Variants in CLEC4D observed in about 807,000 individuals in gnomAD.
The protein encoded by CLEC4D is C-type (calcium dependent, carbohydrate-recognition domain) lectin, superfamily member 8.
A neutral mutation model predicts 21.1 loss-of-function variants in CLEC4D; 21 were observed. The ratio of observed to expected loss-of-function variants is 1.00; its 90% confidence interval spans 0.71 to 1.43. The LOEUF is 1.43. Among genes scored for constraint, CLEC4D ranks in the 40% most tolerant of loss-of-function variants. The pLI, the probability that CLEC4D is intolerant of heterozygous loss-of-function variation, is 0.00. For missense variants in CLEC4D, 289 were observed against 260.7 expected, an observed-to-expected ratio of 1.11 and a Z score of -0.75; for synonymous variants, 85 against 83.1, an observed-to-expected ratio of 1.02 and a Z score of -0.12.
downstream of CLEC4D, among the ~76,000 whole-genome samples, chr12:8,524,352 T>A (rs1322754257): frequency 1.3e-5 from 2 of 151,188 alleles, no homozygotes; most frequent in East Asian, 3.9e-4. Context: ...TGTTTGGTAG[T>A]CTATTAATTG....
chr12:8,525,245 GAAT>G (rs1565493596), downstream of CLEC4D, among the ~76,000 whole-genome samples: 1 of 152,114 alleles, frequency 6.6e-6, no homozygotes, highest in Non-Finnish European at 1.5e-5. Flanking sequence ...TTCAAGTTCT[GAAT>G]ATCCTTGTTA....
the CLEC4D span, among the ~76,000 whole-genome samples, chr12:8,530,459 CA>C: frequency 0.012 from 1,033 of 87,276 alleles, 3 homozygotes; most frequent in Admixed American, 0.015. Flanking sequence ...ATCAAGAAAG[CA>C]AAAAAAAAAA....
chr12:8,526,749 T>C (rs1200678480), downstream of CLEC4D, among the ~76,000 whole-genome samples: 1 of 152,160 alleles, frequency 6.6e-6, no homozygotes, highest in Non-Finnish European at 1.5e-5. Flanking sequence ...CTGTGATCAT[T>C]TGGAGGAGAA....
chr12:8,516,269 T>C (rs1940380638), intron 2 of CLEC4D, among the ~76,000 whole-genome samples: 1 of 152,154 alleles, frequency 6.6e-6, no homozygotes, highest in African/African-American at 2.4e-5. Context: ...CAAATTATAC[T>C]ACATTAAAAT....
At position 8,521,775 on chromosome 12, in the gene CLEC4D, T is replaced by C. The variant is rs946964098; in HGVS notation, c.*504T>C. ...ACTTTTTAATGTCAGTCATTACAAT[T>C]ACATTGCATGAGGAAAATTTTTCCA... On this transcript the variant is annotated 3_prime_UTR_variant, in exon 6 of 6. Coordinates refer to ENST00000299665, the MANE Select transcript of CLEC4D (RefSeq NM_080387.5). 2.0e-5 allele frequency: 3 copies of C among 153,076 alleles called. No individual in the cohort carries two copies. Among genetic ancestry groups the C allele is most frequent in the Non-Finnish European group, 4.4e-5 (3 of 68,668 alleles). The allele number at this position is 153,076 out of a possible 1,614,324, so 9.5% of individuals were successfully genotyped here. A position where few individuals can be genotyped will look rare whatever the true frequency, so the allele number is the denominator to read the frequency against.
intron 2 of CLEC4D, among the ~76,000 whole-genome samples, chr12:8,516,819 A>C (rs79239547): frequency 0.014 from 2,080 of 152,374 alleles, 49 homozygotes; most frequent in African/African-American, 0.046. Flanking sequence ...CATAGTTCAC[A>C]GTAGCCAAAC....
At chr12:8,514,012 A>G (rs190022609) in intron 1 of CLEC4D, among the ~76,000 whole-genome samples, 1 of 152,238 alleles carries the variant, frequency 6.6e-6, no homozygotes, top group African/African-American at 2.4e-5. Context: ...GATGAAAAGA[A>G]AGAGAGTAAT....
In CLEC4D at chr12:8,520,283, G is replaced by T. The variant is rs1940441821; in HGVS notation, c.442G>T (p.Glu148Ter). The change falls in exon 5 of 6, where the codon GAG becomes TAG. Residue 148 changes from glutamate to a stop codon, truncating the protein, a stop_gained. Transcript: ENST00000299665. LOFTEE classifies it high-confidence loss of function. ...TTCCTATTTCCTTGGACTTAGAGAT[G>T]AGAATGCCAAAGGTCAGTGGCGTTG... ...RLSYFLGLRD[E>*]NAKGQWRWVD... 2 of 1,613,882 alleles carry T rather than the reference G, an allele frequency of 1.2e-6. No individual in the cohort carries two copies. The highest frequency in any genetic ancestry group is 2.2e-5 in the South Asian group (2 of 91,058).
chr12:8,519,405 C>T lies in CLEC4D; in HGVS notation c.384+245C>T, dbSNP rs74643151. 5.7e-3 allele frequency among the ~76,000 whole-genome samples: 868 copies of T among 152,262 alleles called. 24 individuals are homozygous for T. In the East Asian group the frequency reaches 0.078, roughly 14 times the overall value. On this transcript the variant is annotated intron_variant, in intron 4 of 5. Coordinates refer to ENST00000299665, the MANE Select transcript of CLEC4D (RefSeq NM_080387.5). ...CTTCCTCATTCTACCCCTCCCTGTTCTAAGTGGGAAGTACTTCTGTAGGAC... is the reference window on the plus strand; with the variant it reads ...CTTCCTCATTCTACCCCTCCCTGTTTTAAGTGGGAAGTACTTCTGTAGGAC...
In CLEC4D at chr12:8,519,156, A is replaced by G; in HGVS notation, c.380A>G (p.Glu127Gly). 6.2e-7 allele frequency: 1 copy of G among 1,613,520 alleles called. No homozygotes were observed. Among genetic ancestry groups the G allele is most frequent in the East Asian group, 2.2e-5 (1 of 44,868 alleles). The change falls in exon 4 of 6, where the codon GAG (glutamate) becomes GGG (glycine). Residue 127 changes from glutamate (E) to glycine (G), a missense_variant. Transcript: ENST00000299665. The stretch of plus-strand genomic sequence containing the variant: ...CTGATGACCATCAGCACGGAAGCTG[A>G]GCAGGTGTGTTGGGAGGATCACATC... ...AHLMTISTEAEQNFIIQFLDR... is the reference protein window; with the variant it reads ...AHLMTISTEAGQNFIIQFLDR...
Position 8,520,433 on chromosome 12 carries a change from T to C in CLEC4D, c.500+92T>C, listed in dbSNP as rs183953763. The C allele has an allele frequency of 1.6e-5, 24 of 1,510,328 alleles. No individual in the cohort carries two copies. The Admixed American group carries it at 1.9e-4, about 12-fold the overall frequency. The allele number at this position is 1,510,328 out of a possible 1,614,324, so 93.6% of individuals were successfully genotyped here. A position where few individuals can be genotyped will look rare whatever the true frequency, so the allele number is the denominator to read the frequency against. On this transcript the variant is annotated intron_variant, in intron 5 of 5. Coordinates refer to ENST00000299665, the MANE Select transcript of CLEC4D (RefSeq NM_080387.5). ...CATTTTGAAGTGGAGTACATTGATATAAAAATGTTAAGAGAGACCACTGTA... is the reference window on the plus strand; with the variant it reads ...CATTTTGAAGTGGAGTACATTGATACAAAAATGTTAAGAGAGACCACTGTA...
downstream of CLEC4D, among the ~76,000 whole-genome samples, chr12:8,522,633 A>G (rs932413251): frequency 6.6e-6 from 1 of 152,156 alleles, no homozygotes; most frequent in Non-Finnish European, 1.5e-5. Flanking sequence ...ATTATGTAGC[A>G]TGAAACCTAT....
downstream of CLEC4D, among the ~76,000 whole-genome samples, chr12:8,525,430 G>A (rs118065332): frequency 7.2e-4 from 110 of 152,224 alleles, no homozygotes; most frequent in East Asian, 3.9e-3. Flanking sequence ...TTGTTGAATC[G>A]TTTTGTTTAC....
Position 8,521,339 on chromosome 12 carries a change from C to T in CLEC4D, c.*68C>T, listed in dbSNP as rs1215838651. On this transcript the variant is annotated 3_prime_UTR_variant, in exon 6 of 6. Coordinates refer to ENST00000299665, the MANE Select transcript of CLEC4D (RefSeq NM_080387.5). ...ACCAATTAGAATAAGGCAGAATGTA[C>T]GTGCGTCATTGGAACACAGAAAACA... 9 of 1,536,044 alleles carry T rather than the reference C, an allele frequency of 5.9e-6. No homozygotes were observed. Among genetic ancestry groups the T allele is most frequent in the East Asian group, 4.5e-5 (2 of 44,086 alleles).
intron 5 of CLEC4D, 62 bp downstream of exon 5, chr12:8,520,403 A>C: frequency 6.4e-7 from 1 of 1,573,158 alleles, no homozygotes; most frequent in Non-Finnish European, 8.7e-7. Flanking sequence ...GTAGCAAGAA[A>C]CATTCATTTT....
rs1412047699 is a variant in CLEC4D, at chr12:8,519,015, C to T, written c.239C>T (p.Thr80Ile). The change falls in exon 4 of 6, where the codon ACC becomes ATC. Residue 80 changes from threonine to isoleucine, a missense_variant. Transcript: ENST00000299665. The part of the protein sequence containing the change: ...KSELKSAEGS[T>I]WNCCPIDWRA... ...GTTTTAATTTTCACTTGAGGGAGCA[C>T]CTGGAACTGTTGTCCTATTGACTGG... is the stretch of plus-strand genomic sequence containing the variant. The T allele has an allele frequency of 1.9e-6, 3 of 1,613,204 alleles. No homozygotes were observed. Among genetic ancestry groups the T allele is most frequent in the African/African-American group, 1.3e-5 (1 of 74,836 alleles).
chr12:8,515,974 A>G (rs1414779635), intron 2 of CLEC4D, among the ~76,000 whole-genome samples: 1 of 152,160 alleles, frequency 6.6e-6, no homozygotes, highest in Non-Finnish European at 1.5e-5. Context: ...GCATGTATAT[A>G]AGACTCTTTA....
downstream of CLEC4D, among the ~76,000 whole-genome samples, chr12:8,524,193 AGGATGATGCT>A (rs1940489072): frequency 6.6e-6 from 1 of 152,150 alleles, no homozygotes; most frequent in Non-Finnish European, 1.5e-5. Context: ...TTTTGGTATC[AGGATGATGCT>A]GGCTTCATAA....
chr12:8,517,062 A>G (rs1940390578), intron 2 of CLEC4D, among the ~76,000 whole-genome samples: 2 of 152,224 alleles, frequency 1.3e-5, no homozygotes, highest in Admixed American at 1.3e-4. Context: ...AGTAAGTGAC[A>G]AAATTGTGAA....
Sources: gnomAD v4.1 joint callset for allele counts (sites outside exome capture counted in the v4.1 genomes callset) on GRCh38, gnomAD v4.1.1 for gene constraint, MANE v1.5 for transcripts, NCBI Gene and HGNC (gene_info 2026-07-23, HGNC 2026-07-21) for gene names.